Variants in LARGE1 observed in about 807,000 individuals in gnomAD.
The protein encoded by LARGE1 is xylosyl- and glucuronyltransferase LARGE1.
In LARGE1, 43 loss-of-function variants were observed where a neutral mutation model predicts 87.6. That is an observed-to-expected ratio of 0.49 (90% CI 0.38 to 0.63). The LOEUF (loss-of-function observed/expected upper bound fraction) is 0.63. LARGE1 is among the 30% of genes least tolerant of loss of function. The pLI, the probability that LARGE1 is intolerant of heterozygous loss-of-function variation, is 0.00. For missense variants in LARGE1, 802 were observed against 1,000.2 expected, an observed-to-expected ratio of 0.80 and a Z score of 2.67; for synonymous variants, 434 against 394.6, an observed-to-expected ratio of 1.10 and a Z score of -1.18.
intron 1 of LARGE1, among the ~76,000 whole-genome samples, chr22:33,804,208 A>G (rs2086244859): frequency 6.6e-6 from 1 of 152,198 alleles, no homozygotes; most frequent in African/African-American, 2.4e-5. Context: ...CTTTGTTGAC[A>G]ATAGTTTTGG....
chr22:33,888,911 C>T (rs1320571214), intron 1 of LARGE1, among the ~76,000 whole-genome samples: 1 of 152,142 alleles, frequency 6.6e-6, no homozygotes, highest in Non-Finnish European at 1.5e-5. Flanking sequence ...AGTTTTGTAA[C>T]ATACTTCACT....
intron 2 of LARGE1, among the ~76,000 whole-genome samples, chr22:33,739,045 A>G (rs1358153641): frequency 6.6e-6 from 1 of 151,516 alleles, no homozygotes; most frequent in Non-Finnish European, 1.5e-5. Context: ...CAAGCCGTGT[A>G]ACCTCAGCGT....
chr22:33,280,060 CA>C (rs1271613838), intron 13 of LARGE1, among the ~76,000 whole-genome samples: 1 of 152,020 alleles, frequency 6.6e-6, no homozygotes, highest in Non-Finnish European at 1.5e-5. Context: ...GAGTCTGGCG[CA>C]GTATTGACAT....
At chr22:33,290,612 A>T (rs1337558126) in intron 12 of LARGE1, among the ~76,000 whole-genome samples, 2 of 152,182 alleles carry the variant, frequency 1.3e-5, no homozygotes, top group Non-Finnish European at 2.9e-5. Flanking sequence ...GTGGCTGAGA[A>T]GTCAAATGAG....
At chr22:33,357,041 T>C (rs962515759) in intron 9 of LARGE1, among the ~76,000 whole-genome samples, 2 of 152,290 alleles carry the variant, frequency 1.3e-5, no homozygotes, top group Non-Finnish European at 2.9e-5. Context: ...AAAGAAATCA[T>C]TGTAACAATA....
chr22:33,818,075 A>G (rs2086710557), intron 1 of LARGE1, among the ~76,000 whole-genome samples: 1 of 152,064 alleles, frequency 6.6e-6, no homozygotes, highest in African/African-American at 2.4e-5. Flanking sequence ...TCTATGCTTT[A>G]GTTTCTCTCC....
intron 1 of LARGE1, among the ~76,000 whole-genome samples, chr22:33,785,348 G>C (rs1030496496): frequency 4.6e-5 from 7 of 151,906 alleles, no homozygotes; most frequent in African/African-American, 1.7e-4. Context: ...TTATGAATTA[G>C]AAAACTGAAG....
chr22:33,398,741 A>C (rs2065836058), intron 7 of LARGE1, among the ~76,000 whole-genome samples: 1 of 152,168 alleles, frequency 6.6e-6, no homozygotes, highest in Non-Finnish European at 1.5e-5. Context: ...GTAGACTCCA[A>C]TCCAATGGCT....
chr22:33,346,731 T>C (rs1267311584), intron 9 of LARGE1, among the ~76,000 whole-genome samples: 1 of 152,124 alleles, frequency 6.6e-6, no homozygotes, highest in Non-Finnish European at 1.5e-5. Context: ...ACCCCATTCT[T>C]CCTAACAGAA....
At chr22:33,715,968 TC>T (rs937406222) in intron 2 of LARGE1, among the ~76,000 whole-genome samples, 27 of 152,178 alleles carry the variant, frequency 1.8e-4, no homozygotes, top group African/African-American at 6.3e-4. Flanking sequence ...TTGAGTTAAT[TC>T]CCCATTACTA....
At chr22:33,707,246 C>T (rs1040646880) in intron 2 of LARGE1, among the ~76,000 whole-genome samples, 2 of 152,216 alleles carry the variant, frequency 1.3e-5, no homozygotes, top group Non-Finnish European at 2.9e-5. Flanking sequence ...GGAGAGCTCC[C>T]GGGGCCACAC....
chr22:33,737,210 ACCC>A (rs2083686327), intron 2 of LARGE1, among the ~76,000 whole-genome samples: 1 of 152,016 alleles, frequency 6.6e-6, no homozygotes, highest in Non-Finnish European at 1.5e-5. Flanking sequence ...CTCGAAACCT[ACCC>A]CAGGTATACA....
intron 10 of LARGE1, among the ~76,000 whole-genome samples, chr22:33,326,154 G>A (rs931318376): frequency 3.3e-5 from 5 of 152,158 alleles, no homozygotes; most frequent in Admixed American, 6.6e-5. Context: ...AGGGAGGTAG[G>A]GGGCTGCATT....
chr22:33,258,505 G>T (rs1927439687), intron 11 of LARGE1, among the ~76,000 whole-genome samples: 1 of 152,182 alleles, frequency 6.6e-6, no homozygotes, highest in African/African-American at 2.4e-5. Flanking sequence ...TCTTGAGTGA[G>T]GACTAGGAAC....
At chr22:33,720,219 C>T (rs1288462753) in intron 2 of LARGE1, among the ~76,000 whole-genome samples, 1 of 152,116 alleles carries the variant, frequency 6.6e-6, no homozygotes, top group African/African-American at 2.4e-5. Flanking sequence ...AGTGACAGAT[C>T]ATCAGGCATT....
intron 14 of LARGE1, among the ~76,000 whole-genome samples, chr22:33,274,985 G>C (rs1928924118): frequency 6.6e-6 from 1 of 152,180 alleles, no homozygotes; most frequent in African/African-American, 2.4e-5. Flanking sequence ...CACATGGACA[G>C]TCTAGGATGA....
chr22:33,673,857 TGTGG>T (rs71694819), intron 2 of LARGE1, among the ~76,000 whole-genome samples: 336 of 68,384 alleles, frequency 4.9e-3, no homozygotes, highest in African/African-American at 0.014. Flanking sequence ...TTTTGTGTGT[TGTGG>T]GTGTATTTTT....
At chr22:33,630,812 C>T (rs2080085500) in intron 3 of LARGE1, among the ~76,000 whole-genome samples, 1 of 151,700 alleles carries the variant, frequency 6.6e-6, no homozygotes, top group African/African-American at 2.4e-5. Flanking sequence ...ACTTAGCTTA[C>T]TGGAACTTTT....
At position 33,655,107 on chromosome 22, in the gene LARGE1, A is replaced by G. The variant is rs1225586652; in HGVS notation, c.107-4439T>C. Among the ~76,000 whole-genome samples the G allele has an allele frequency of 2.0e-5, 3 of 152,306 alleles. No individual in the cohort carries two copies. The East Asian group carries it at 5.8e-4, about 29-fold the overall frequency. Reference sequence around the variant, plus strand: ...ACAATTTGAGGATATGGTTAATTTTATGTGTCAACTCAACTGGGCCAGGTG... The same window carrying G: ...ACAATTTGAGGATATGGTTAATTTTGTGTGTCAACTCAACTGGGCCAGGTG... On this transcript the variant is annotated intron_variant, in intron 2 of 14. Coordinates refer to ENST00000397394, the MANE Select transcript of LARGE1 (RefSeq NM_133642.5).
Sources: gnomAD v4.1 joint callset for allele counts (sites outside exome capture counted in the v4.1 genomes callset) on GRCh38, gnomAD v4.1.1 for gene constraint, MANE v1.5 for transcripts, NCBI Gene and HGNC (gene_info 2026-07-23, HGNC 2026-07-21) for gene names.